The following BPTF variants were observed in gnomAD, a reference collection of about 807,000 sequenced individuals.
The protein encoded by BPTF is nucleosome-remodeling factor subunit BPTF.
Under a neutral mutation model 292.5 loss-of-function variants are expected in BPTF, and 18 were observed. That is an observed-to-expected ratio of 0.06 (90% CI 0.04 to 0.09). BPTF has a LOEUF of 0.09. Among genes scored for constraint, BPTF ranks in the 10% least tolerant of loss-of-function variants. The probability of loss-of-function intolerance (pLI) is 1.00; values close to 1 mark genes in which losing one functional copy is unlikely to be tolerated. For missense variants in BPTF, 2,726 were observed against 3,498.7 expected, an observed-to-expected ratio of 0.78 and a Z score of 5.57; for synonymous variants, 1,225 against 1,251.9, an observed-to-expected ratio of 0.98 and a Z score of 0.45.
rs1264812441 is a variant in BPTF, at chr17:67,984,188, T to G, written c.*1900T>G. 1 of 152,596 alleles carries G rather than the reference T, an allele frequency of 6.6e-6. No individual in the cohort carries two copies. Among genetic ancestry groups the G allele is most frequent in the Non-Finnish European group, 1.5e-5 (1 of 68,034 alleles). The allele number at this position is 152,596 out of a possible 1,614,324, so 9.5% of individuals were successfully genotyped here. On this transcript the variant is annotated 3_prime_UTR_variant, in exon 28 of 28. Transcript: ENST00000306378. ...ATCTCATCACGTCACAGTATTTCTG[T>G]ACTATTTATTCATATATATAAATAT... is the stretch of plus-strand genomic sequence containing the variant.
rs555684576 is a variant in BPTF, at chr17:67,861,608, G to A, written c.1437-4856G>A. On this transcript the variant is annotated intron_variant, in intron 2 of 27. Transcript: ENST00000306378. ...TGGGATTACAGATGTGAGCCACCAT[G>A]CCCAGCCATAGCTGGATGATTTTTA... is the stretch of plus-strand genomic sequence containing the variant. 4.6e-5 allele frequency among the ~76,000 whole-genome samples: 7 copies of A among 152,206 alleles called. No individual in the cohort carries two copies. The East Asian group carries it at 1.2e-3, about 25-fold the overall frequency.
At chr17:67,838,415 C>T (rs1331545679) in intron 1 of BPTF, among the ~76,000 whole-genome samples, 1 of 152,068 alleles carries the variant, frequency 6.6e-6, no homozygotes, top group Admixed American at 6.6e-5. Flanking sequence ...ATTTAGAAAA[C>T]CCAGAACATT....
intron 26 of BPTF, among the ~76,000 whole-genome samples, chr17:67,967,669 A>G (rs1555688284): frequency 6.6e-6 from 1 of 152,062 alleles, no homozygotes; most frequent in Admixed American, 6.6e-5. Context: ...AAATAGAAAA[A>G]TTAGCCAGTT....
chr17:67,855,536 A>T (rs1442150247), intron 2 of BPTF, among the ~76,000 whole-genome samples: 1 of 152,206 alleles, frequency 6.6e-6, no homozygotes, highest in Non-Finnish European at 1.5e-5. Flanking sequence ...CCAGGAGAAG[A>T]TGATCCCAAC....
At chr17:67,975,610 C>T in intron 26 of BPTF, 162 bp from the exon 27 acceptor site, 1 of 538,642 alleles carries the variant, frequency 1.9e-6, no homozygotes, top group Non-Finnish European at 3.1e-6. Context: ...TGGAAAAGTA[C>T]TCTTTTGTTC....
chr17:67,944,098 A>G (rs1020327780), intron 19 of BPTF, 52 bp from the exon 20 acceptor site: 2 of 1,285,102 alleles, frequency 1.6e-6, no homozygotes, highest in East Asian at 2.3e-5. Flanking sequence ...AAAATGATAT[A>G]CATACAGATT....
chr17:67,871,738 A>T (rs1200743940), intron 3 of BPTF, among the ~76,000 whole-genome samples: 2 of 152,196 alleles, frequency 1.3e-5, no homozygotes, highest in African/African-American at 2.4e-5. Context: ...AGTATAGATC[A>T]GATACAATGT....
intron 2 of BPTF, among the ~76,000 whole-genome samples, chr17:67,865,259 T>C (rs564491625): frequency 3.9e-5 from 6 of 152,368 alleles, no homozygotes; most frequent in African/African-American, 1.4e-4. Flanking sequence ...TATTTATCTG[T>C]GATTTAATAT....
Position 67,983,165 on chromosome 17 carries a change from CTT to C in BPTF, c.*879_*880del, listed in dbSNP as rs2070599961. 2.6e-5 allele frequency: 4 copies of C among 152,662 alleles called. No individual in the cohort carries two copies. The South Asian group carries it at 8.3e-4, about 32-fold the overall frequency. 9.5% of individuals were successfully genotyped at this position (152,662 alleles called of 1,614,324 possible). A position where few individuals can be genotyped will look rare whatever the true frequency, so the allele number is the denominator to read the frequency against. The stretch of plus-strand genomic sequence containing the variant: ...ATTTTTCTCCCACAGACAGAGGTGT[CTT>C]TGAATGTGCGCTAATGATTATCTGT... On this transcript the variant is annotated 3_prime_UTR_variant, in exon 28 of 28. Coordinates refer to ENST00000306378, the MANE Select transcript of BPTF (RefSeq NM_182641.4).
At chr17:67,940,205 A>G (rs987427390) in intron 18 of BPTF, among the ~76,000 whole-genome samples, 2 of 152,150 alleles carry the variant, frequency 1.3e-5, no homozygotes, top group South Asian at 2.1e-4. Flanking sequence ...GGTTTTTTCC[A>G]TTATCCTACA....
At chr17:67,883,831 G>A (rs1598417562) in intron 4 of BPTF, among the ~76,000 whole-genome samples, 1 of 152,030 alleles carries the variant, frequency 6.6e-6, no homozygotes, top group East Asian at 1.9e-4. Context: ...GAACTCCTGA[G>A]CTCATGTTCC....
At chr17:67,982,220 C>T in intron 27 of BPTF, 32 bp from the exon 28 acceptor site, 1 of 1,599,572 alleles carries the variant, frequency 6.3e-7, no homozygotes, top group East Asian at 2.2e-5. Context: ...ATGAAGGGTG[C>T]TTAATTGTTC....
At chr17:67,851,127 A>AG (rs2144855691) in intron 1 of BPTF, among the ~76,000 whole-genome samples, 1 of 152,166 alleles carries the variant, frequency 6.6e-6, no homozygotes, top group East Asian at 1.9e-4. Flanking sequence ...TGCACAGACA[A>AG]GGAGAGGTCT....
chr17:67,912,925 G>A lies in BPTF; in HGVS notation c.5041G>A (p.Glu1681Lys). The A allele has an allele frequency of 6.2e-7, 1 of 1,614,190 alleles. No individual in the cohort carries two copies. The highest frequency in any genetic ancestry group is 8.5e-7 in the Non-Finnish European group (1 of 1,180,036). ...GGTTACATCTATGACTGTGAGCAAA[G>A]AGTATTCCACACGAGACAAAGTGAA... is the stretch of plus-strand genomic sequence containing the variant. Reference protein sequence around the residue: ...TLVTSMTVSKEYSTRDKVKLM... With the variant: ...TLVTSMTVSKKYSTRDKVKLM... The change falls in exon 11 of 28, where the codon GAG becomes AAG. Residue 1681 changes from glutamate (E) to lysine (K), a missense_variant. Glu to Lys is a moderately conservative substitution (Grantham distance 56). Around this residue, in one of 22 missense-constraint regions of BPTF, gnomAD observed 144 missense variants for 177.2 expected, o/e 0.81. Transcript: ENST00000306378.
chr17:67,877,209 C>T (rs543244837), intron 4 of BPTF, among the ~76,000 whole-genome samples: 1 of 152,274 alleles, frequency 6.6e-6, no homozygotes, highest in South Asian at 2.1e-4. Context: ...AAGGTCTGGG[C>T]CCTTGGTGAC....
At chr17:67,901,207 G>A (rs1260830898) in intron 7 of BPTF, among the ~76,000 whole-genome samples, 1 of 151,870 alleles carries the variant, frequency 6.6e-6, no homozygotes, top group Non-Finnish European at 1.5e-5. Flanking sequence ...GAATTTAGCT[G>A]TAGTAGCATT....
chr17:67,912,600 T>C lies in BPTF; in HGVS notation c.4716T>C (p.Asn1572=). The change falls in exon 11 of 28, where the codon AAT becomes AAC. Residue 1572 remains asparagine (N), a synonymous_variant. Coordinates refer to ENST00000306378, the MANE Select transcript of BPTF (RefSeq NM_182641.4). Reference sequence around the variant, plus strand: ...AAAATGGTCTGCCCATCAACAAAAATGAAAATGTCAATGGAGAATCTAAAA... The same window carrying C: ...AAAATGGTCTGCCCATCAACAAAAACGAAAATGTCAATGGAGAATCTAAAA... The part of the protein sequence containing the change: ...IDENGLPINK[N]ENVNGESKRK... The C allele has an allele frequency of 6.2e-7, 1 of 1,612,988 alleles. No individual in the cohort carries two copies. The highest frequency in any genetic ancestry group is 8.5e-7 in the Non-Finnish European group (1 of 1,179,772).
chr17:67,893,326 TTTGA>T lies in BPTF; in HGVS notation c.2056-39_2056-36del, dbSNP rs776083797. ...CAGTTGATTAGATGAAATTCACATCTTTGATTGACATAAATAATGCAGTCTTTTT... is the reference window on the plus strand; with the variant it reads ...CAGTTGATTAGATGAAATTCACATCTTTGACATAAATAATGCAGTCTTTTT... On this transcript the variant is annotated intron_variant, in intron 5 of 27. Coordinates refer to ENST00000306378, the MANE Select transcript of BPTF (RefSeq NM_182641.4). 11 of 1,212,724 alleles carry T rather than the reference TTTGA, an allele frequency of 9.1e-6. No homozygotes were observed. In the East Asian group the frequency reaches 1.2e-4, roughly 13 times the overall value. The allele number at this position is 1,212,724 out of a possible 1,614,324, so 75.1% of individuals were successfully genotyped here.
At chr17:67,853,594 A>ATTT (rs112351030) in intron 1 of BPTF, among the ~76,000 whole-genome samples, 1 of 148,222 alleles carries the variant, frequency 6.7e-6, no homozygotes, top group African/African-American at 2.6e-5. Context: ...AAATGCAGTT[A>ATTT]TTTATTATTA....
Sources: gnomAD v4.1 joint callset for allele counts (sites outside exome capture counted in the v4.1 genomes callset) on GRCh38, gnomAD v4.1.1 for gene constraint, gnomAD v4.1.1 regional missense constraint, MANE v1.5 for transcripts, NCBI Gene and HGNC (gene_info 2026-07-23, HGNC 2026-07-21) for gene names.